Variants in LRP1B observed in about 807,000 individuals in gnomAD.
LRP1B encodes low-density lipoprotein receptor-related protein 1B.
LRP1B carries 217 observed loss-of-function variants against 556.6 expected under a neutral mutation model. The ratio of observed to expected loss-of-function variants is 0.39; its 90% confidence interval spans 0.35 to 0.44. LRP1B has a LOEUF of 0.44. Ranked by LOEUF, LRP1B falls within the 20% of genes least tolerant of loss-of-function variation. The pLI, the probability that LRP1B is intolerant of heterozygous loss-of-function variation, is 1.00. For missense variants in LRP1B, 5,053 were observed against 5,620.8 expected, an observed-to-expected ratio of 0.90 and a Z score of 3.23; for synonymous variants, 2,047 against 1,865.8, an observed-to-expected ratio of 1.10 and a Z score of -2.50.
intron 7 of LRP1B, among the ~76,000 whole-genome samples, chr2:141,122,082 C>T (rs1006707580): frequency 6.6e-6 from 1 of 152,256 alleles, no homozygotes; most frequent in East Asian, 1.9e-4. Flanking sequence ...CTTCCTTACA[C>T]CTTATACAAA....
chr2:140,289,654 G>A (rs1573740277), intron 84 of LRP1B, among the ~76,000 whole-genome samples: 1 of 150,652 alleles, frequency 6.6e-6, no homozygotes, highest in Admixed American at 6.7e-5. Flanking sequence ...TGTTTGAAAA[G>A]TCTAGTTTTA....
At chr2:140,357,171 A>G (rs1438318656) in intron 74 of LRP1B, among the ~76,000 whole-genome samples, 1 of 151,810 alleles carries the variant, frequency 6.6e-6, no homozygotes, top group East Asian at 1.9e-4. Flanking sequence ...ATTATTATAG[A>G]GACATCATAT....
chr2:141,785,385 T>A (rs980178179), intron 2 of LRP1B, among the ~76,000 whole-genome samples: 1 of 151,950 alleles, frequency 6.6e-6, no homozygotes, highest in South Asian at 2.1e-4. Flanking sequence ...TCTGTGACCA[T>A]CTGTGAGAAA....
intron 2 of LRP1B, among the ~76,000 whole-genome samples, chr2:141,705,555 G>T (rs1014440815): frequency 6.6e-6 from 1 of 152,016 alleles, no homozygotes; most frequent in Non-Finnish European, 1.5e-5. Flanking sequence ...TGCTAGTGCT[G>T]TAAACATTAT....
intron 2 of LRP1B, among the ~76,000 whole-genome samples, chr2:141,709,776 T>C (rs1468135853): frequency 6.6e-6 from 1 of 151,878 alleles, no homozygotes; most frequent in African/African-American, 2.4e-5. Flanking sequence ...ACCAGATGGG[T>C]TTTAATAAGA....
intron 1 of LRP1B, among the ~76,000 whole-genome samples, chr2:142,088,149 C>T (rs1706015629): frequency 6.6e-6 from 1 of 152,030 alleles, no homozygotes. Flanking sequence ...ATAACTGCTT[C>T]ATAGAGCAAG....
At chr2:140,946,833 C>T (rs547570292) in intron 20 of LRP1B, among the ~76,000 whole-genome samples, 1 of 152,266 alleles carries the variant, frequency 6.6e-6, no homozygotes, top group East Asian at 1.9e-4. Context: ...CCATGGAATA[C>T]TATGCAACCA....
Position 140,255,451 on chromosome 2 carries a change from ATATAC to A in LRP1B, c.13248-8294_13248-8290del, listed in dbSNP as rs1681631530. On this transcript the variant is annotated intron_variant, in intron 86 of 90. Transcript: ENST00000389484. The stretch of plus-strand genomic sequence containing the variant: ...CATATTTGATCACTGTACAACACAA[ATATAC>A]TATATTTTTTATTTCTCTACTTATA... Among the ~76,000 whole-genome samples, 3 of 152,186 alleles carry A rather than the reference ATATAC, an allele frequency of 2.0e-5. No homozygotes were observed. The South Asian group carries it at 6.2e-4, about 31-fold the overall frequency.
At chr2:141,153,604 TATATA>T (rs928256951) in intron 7 of LRP1B, among the ~76,000 whole-genome samples, 134 of 137,928 alleles carry the variant, frequency 9.7e-4, no homozygotes, top group African/African-American at 2.4e-3. Context: ...TATATATTTA[TATATA>T]ATATATTATA....
Position 140,272,257 on chromosome 2 carries a change from A to AC in LRP1B, c.13143-1912_13143-1911insG, listed in dbSNP as rs1491275114. ...AGGCATTCAGCGTATGTGCACACACAAACACACACACACACACACACACAC... is the reference window on the plus strand; with the variant it reads ...AGGCATTCAGCGTATGTGCACACACACAACACACACACACACACACACACAC... On this transcript the variant is annotated intron_variant, in intron 85 of 90. Transcript: ENST00000389484. Among the ~76,000 whole-genome samples, 66 of 79,920 alleles carry AC rather than the reference A, an allele frequency of 8.3e-4. 1 individual carries two copies. Among genetic ancestry groups the AC allele is most frequent in the African/African-American group, 2.3e-3 (54 of 23,772 alleles). 52.4% of individuals were successfully genotyped at this position (79,920 alleles called of 152,430 possible). A position where few individuals can be genotyped will look rare whatever the true frequency, so the allele number is the denominator to read the frequency against.
intron 12 of LRP1B, among the ~76,000 whole-genome samples, chr2:141,019,601 A>G (rs971683279): frequency 2.6e-4 from 39 of 152,096 alleles, no homozygotes; most frequent in African/African-American, 9.4e-4. Flanking sequence ...AAAATATAAA[A>G]TGGATTGATT....
intron 1 of LRP1B, among the ~76,000 whole-genome samples, chr2:141,913,353 G>A (rs138949503): frequency 3.9e-5 from 6 of 152,196 alleles, no homozygotes; most frequent in African/African-American, 1.4e-4. Flanking sequence ...TGTAGAAAAG[G>A]CATTAAATAA....
chr2:141,251,410 A>G (rs761626367), intron 4 of LRP1B, among the ~76,000 whole-genome samples: 2 of 152,142 alleles, frequency 1.3e-5, no homozygotes, highest in African/African-American at 2.4e-5. Context: ...GTTTGTGGAT[A>G]ATAAAGGAGG....
intron 86 of LRP1B, among the ~76,000 whole-genome samples, chr2:140,252,536 T>C (rs1681486174): frequency 6.6e-6 from 1 of 152,070 alleles, no homozygotes; most frequent in Non-Finnish European, 1.5e-5. Context: ...ATTTAATCAT[T>C]GTTTTAGATG....
At chr2:140,989,124 G>A (rs749332248) in intron 17 of LRP1B, among the ~76,000 whole-genome samples, 1 of 152,036 alleles carries the variant, frequency 6.6e-6, no homozygotes, top group Non-Finnish European at 1.5e-5. Context: ...ACTATTCACA[G>A]AGGTATTCTA....
chr2:140,928,460 G>A (rs1694949847), intron 20 of LRP1B, among the ~76,000 whole-genome samples: 1 of 152,142 alleles, frequency 6.6e-6, no homozygotes, highest in Non-Finnish European at 1.5e-5. Flanking sequence ...TGATGAATAA[G>A]AGACCAACTT....
chr2:140,798,112 G>A (rs189169240), intron 32 of LRP1B, among the ~76,000 whole-genome samples: 8 of 152,032 alleles, frequency 5.3e-5, no homozygotes, highest in African/African-American at 1.4e-4. Context: ...TTGTTTATTT[G>A]CTTATATGCT....
At chr2:140,632,714 T>C (rs192921141) in intron 41 of LRP1B, among the ~76,000 whole-genome samples, 71 of 152,290 alleles carry the variant, frequency 4.7e-4, no homozygotes, top group Non-Finnish European at 5.9e-4. Flanking sequence ...AGGCAAAGAT[T>C]GTCATGGTGG....
chr2:140,798,518 TCA>T (rs1234397993), intron 32 of LRP1B, among the ~76,000 whole-genome samples: 4 of 151,928 alleles, frequency 2.6e-5, no homozygotes, highest in Non-Finnish European at 5.9e-5. Context: ...GGGCCCAGAG[TCA>T]CAGTTTCAGG....
Sources: allele counts gnomAD v4.1 joint callset (sites outside exome capture counted in the v4.1 genomes callset), GRCh38; gene constraint gnomAD v4.1.1; transcripts MANE v1.5; gene names NCBI Gene and HGNC (gene_info 2026-07-23, HGNC 2026-07-21).